Variants in POLG observed in about 807,000 individuals in gnomAD.
POLG encodes the protein DNA polymerase gamma, catalytic subunit.
A neutral mutation model predicts 155.4 loss-of-function variants in POLG; 110 were observed. The observed-to-expected ratio is 0.71, with a 90% CI of 0.61 to 0.83. The LOEUF (loss-of-function observed/expected upper bound fraction) is 0.83. Among genes scored for constraint, POLG ranks in the 40% least tolerant of loss-of-function variants. POLG has a pLI of 0.00. For missense variants in POLG, 1,685 were observed against 1,627.5 expected (o/e 1.04, Z -0.61); for synonymous variants, 701 against 631.5 (o/e 1.11, Z -1.65).
intron 4 of POLG, 34 bp downstream of exon 4, chr15:89,328,909 A>G (rs750556064): frequency 6.2e-7 from 1 of 1,614,044 alleles, no homozygotes. Context: ...GGTCCCAAGC[A>G]CTATGCTCCT....
Position 89,328,753 on chromosome 15 carries a change from G to C in POLG, c.1102C>G (p.Pro368Ala). 2 of 1,614,108 alleles carry C rather than the reference G, an allele frequency of 1.2e-6. No homozygotes were observed. Among genetic ancestry groups the C allele is most frequent in the East Asian group, 2.2e-5 (1 of 44,878 alleles). The part of the protein sequence containing the change: ...EVHRLYVGGP[P>A]LEKEPRELFV... ...AGTTCTCGAGGCTCCTTCTCTAAGG[G>C]AGGCCCCCCTACATAAAGTCTGTGC... is the stretch of plus-strand genomic sequence containing the variant. Residue 368 changes from proline to alanine, a missense_variant, in exon 5 of 23, where the codon CCC becomes GCC. Physicochemically the swap from Pro to Ala is conservative, Grantham distance 27. Around this residue, in one of 3 missense-constraint regions of POLG, gnomAD observed 1,210 missense variants for 1,167.1 expected, o/e 1.04. Transcript: ENST00000268124.
intron 16 of POLG, 48 bp from the exon 17 acceptor site, chr15:89,321,308 C>T (rs1417135993): frequency 6.2e-7 from 1 of 1,606,942 alleles, no homozygotes; most frequent in South Asian, 1.1e-5. Flanking sequence ...TACCCCATTC[C>T]TGGAGCCAGA....
At position 89,333,477 on chromosome 15, in the gene POLG, TC is replaced by T; in HGVS notation, c.277del (p.Glu93ArgfsTer173). The T allele has an allele frequency of 1.2e-6, 2 of 1,612,324 alleles. No individual in the cohort carries two copies. Among genetic ancestry groups the T allele is most frequent in the Non-Finnish European group, 8.5e-7 (1 of 1,179,680 alleles). On this transcript the variant is annotated frameshift_variant, in exon 2 of 23. Coordinates refer to ENST00000268124, the MANE Select transcript of POLG (RefSeq NM_002693.3). LOFTEE classifies it high-confidence loss of function. ...LHEQIFGQGG[E>X]MPGEAAVRRS... ...GCGCACCGCGGCCTCGCCAGGCATC[TC>T]CCCTCCTTGCCCGAAGATTTGCTCG...
rs867782024 is a variant in POLG, at chr15:89,325,199, T to A, written c.1949+251A>T. On this transcript the variant is annotated intron_variant, in intron 10 of 22. Coordinates refer to ENST00000268124, the MANE Select transcript of POLG (RefSeq NM_002693.3). Reference sequence around the variant, plus strand: ...GTGAGAGAGTGAGTGAGTGAGAGAGTGAGTGAGAGAGTGAGTGAGTGAGAG... The same window carrying A: ...GTGAGAGAGTGAGTGAGTGAGAGAGAGAGTGAGAGAGTGAGTGAGTGAGAG... Among the ~76,000 whole-genome samples the A allele has an allele frequency of 8.9e-4, 41 of 45,842 alleles. 4 individuals are homozygous for A. Among genetic ancestry groups the A allele is most frequent in the African/African-American group, 3.0e-3 (27 of 8,896 alleles). The allele number at this position is 45,842 out of a possible 152,430, so 30.1% of individuals were successfully genotyped here. A position where few individuals can be genotyped will look rare whatever the true frequency, so the allele number is the denominator to read the frequency against.
In POLG at chr15:89,327,308, C is replaced by A. The variant is rs2055535765; in HGVS notation, c.1292G>T (p.Gly431Val). 1 of 1,614,068 alleles carries A rather than the reference C, an allele frequency of 6.2e-7. No homozygotes were observed. The highest frequency in any genetic ancestry group is 8.5e-7 in the Non-Finnish European group (1 of 1,180,026). ...PVTLAGMLEM[G>V]VSYLPVNQNW... The stretch of plus-strand genomic sequence containing the variant: ...CTGGTTGACAGGCAGGTAGGAGACA[C>A]CCATCTCCAGCATGCCGGCCAGAGT... The change falls in exon 7 of 23, where the codon GGT (glycine) becomes GTT (valine). Residue 431 changes from glycine (G) to valine (V), a missense_variant. Physicochemically the swap from Gly to Val is moderately radical, Grantham distance 109. This residue lies in a region of POLG where 1,210 missense variants were observed against 1,167.1 expected (regional missense o/e 1.04). Coordinates refer to ENST00000268124, the MANE Select transcript of POLG (RefSeq NM_002693.3).
rs1243830926 is a variant in POLG at position 89,330,120 on chromosome 15, G to A, written c.816C>T (p.Ser272=). 1 of 1,614,000 alleles carries A rather than the reference G, an allele frequency of 6.2e-7. No homozygotes were observed. The highest frequency in any genetic ancestry group is 8.5e-7 in the Non-Finnish European group (1 of 1,180,044). ...GCTCCCTGATATGAGCTCGGTCAAAGGAAACATTGTGCCCCACCACTAACT... is the reference window on the plus strand; with the variant it reads ...GCTCCCTGATATGAGCTCGGTCAAAAGAAACATTGTGCCCCACCACTAACT... The part of the protein sequence containing the change: ...QEQLVVGHNV[S]FDRAHIREQY... Residue 272 remains serine (S), a synonymous_variant, in exon 3 of 23, where the codon TCC becomes TCT. Coordinates refer to ENST00000268124, the MANE Select transcript of POLG (RefSeq NM_002693.3).
chr15:89,328,368 A>T (rs2055550082), intron 6 of POLG, 88 bp downstream of exon 6: 2 of 1,018,326 alleles, frequency 2.0e-6, no homozygotes, highest in Admixed American at 1.9e-5. Context: ...CCCCAACCTG[A>T]GATAGAACCA....
intron 2 of POLG, among the ~76,000 whole-genome samples, chr15:89,331,791 A>C (rs1478989497): frequency 6.7e-6 from 1 of 148,710 alleles, no homozygotes; most frequent in Non-Finnish European, 1.5e-5. Flanking sequence ...CCCACCAGTC[A>C]GACTCCCAGG....
Position 89,330,226 on chromosome 15 carries a change from C to A in POLG, c.710G>T (p.Ser237Ile), listed in dbSNP as rs1275576932. 1 of 1,613,368 alleles carries A rather than the reference C, an allele frequency of 6.2e-7. No homozygotes were observed. The change falls in exon 3 of 23, where the codon AGC becomes ATC. Residue 237 changes from serine (S) to isoleucine (I), a missense_variant. By Grantham distance (142) the Ser-to-Ile change is moderately radical (BLOSUM62 -2). Transcript: ENST00000268124. Reference sequence around the variant, plus strand: ...GATGAGGTCAGCCGGCGACAGCTGGCTGGTCCAAGAGTAACGCTCTTCCAC... The same window carrying A: ...GATGAGGTCAGCCGGCGACAGCTGGATGGTCCAAGAGTAACGCTCTTCCAC... The part of the protein sequence containing the change: ...RLVEERYSWT[S>I]QLSPADLIPL...
chr15:89,325,191 TGAGAGAGTGAGTGAGA>T (rs1567189768), intron 10 of POLG, among the ~76,000 whole-genome samples: 5 of 55,212 alleles, frequency 9.1e-5, no homozygotes, highest in African/African-American at 5.2e-4. Context: ...AGTGAGTGAG[TGAGAGAGTGAGTGAGA>T]GAGTGAGTGA....
Position 89,316,589 on chromosome 15 carries a change from C to A in POLG, c.*162G>T. ...GTTCTGAACCCACTGAATTCAACTG[C>A]ACCTTCAGTTAGAAGGAATCTTCTT... On this transcript the variant is annotated 3_prime_UTR_variant, in exon 23 of 23. Transcript: ENST00000268124. 9.0e-7 allele frequency: 1 copy of A among 1,111,330 alleles called. No homozygotes were observed. The highest frequency in any genetic ancestry group is 1.3e-6 in the Non-Finnish European group (1 of 742,270). 68.8% of individuals were successfully genotyped at this position (1,111,330 alleles called of 1,614,324 possible). A position where few individuals can be genotyped will look rare whatever the true frequency, so the allele number is the denominator to read the frequency against.
At chr15:89,322,459 C>T (rs2055410171) in intron 14 of POLG, among the ~76,000 whole-genome samples, 1 of 152,266 alleles carries the variant, frequency 6.6e-6, no homozygotes, top group Non-Finnish European at 1.5e-5. Context: ...ACCAGCTCTC[C>T]ATGGTCCTCA....
chr15:89,319,460 A>G (rs977457873), intron 18 of POLG, 110 bp from the exon 19 acceptor site: 1 of 1,426,682 alleles, frequency 7.0e-7, no homozygotes, highest in African/African-American at 1.4e-5. Flanking sequence ...CACTGACATC[A>G]TGCCAGTCCC....
rs1026761464 is a variant in POLG, at chr15:89,326,500, C to T, written c.1712+112G>A. The stretch of plus-strand genomic sequence containing the variant: ...ACAGTGTGACTGAATGGCAGCAGGT[C>T]AATAAGTATACATGTGCATGATGCC... On this transcript the variant is annotated intron_variant, in intron 9 of 22. Transcript: ENST00000268124. 18 of 1,199,006 alleles carry T rather than the reference C, an allele frequency of 1.5e-5. No individual in the cohort carries two copies. The Admixed American group carries it at 3.3e-4, about 22-fold the overall frequency. The allele number at this position is 1,199,006 out of a possible 1,614,324, so 74.3% of individuals were successfully genotyped here.
intron 8 of POLG, 31 bp from the exon 9 acceptor site, chr15:89,326,769 A>G: frequency 3.7e-6 from 6 of 1,613,974 alleles, no homozygotes; most frequent in Non-Finnish European, 5.1e-6. Context: ...AATCAGGAGC[A>G]GGAGAAGGAA....
rs1567188446 is a variant in POLG, at chr15:89,323,839, T to C, written c.2133A>G (p.Ala711=). Residue 711 remains alanine, a synonymous_variant, in exon 12 of 23, where the codon GCA becomes GCG. Transcript: ENST00000268124. The stretch of plus-strand genomic sequence containing the variant: ...CCAGAGCTAGGGGTTGACCTGGCAC[T>C]GCAGCTCGCAAGTTCTCCATCTTGG... ...AEAKMENLRA[A]VPGQPLALTA... 1.2e-6 allele frequency: 2 copies of C among 1,614,060 alleles called. No individual in the cohort carries two copies.
chr15:89,329,906 C>T (rs2055572064), intron 3 of POLG, among the ~76,000 whole-genome samples, 175 bp downstream of exon 3: 1 of 152,192 alleles, frequency 6.6e-6, no homozygotes, highest in African/African-American at 2.4e-5. Context: ...TTCCCGGGGA[C>T]ATACAACAGC....
rs369731644 is a variant in POLG at position 89,330,287 on chromosome 15, T to C, written c.660-11A>G. ...CTGCACCAGGAATACCTGAGGGAGG[T>C]GAGAGGCAGGCAGGTTCACCATGGA... On this transcript the variant is annotated splice_polypyrimidine_tract_variant and intron_variant, in intron 2 of 22. Coordinates refer to ENST00000268124, the MANE Select transcript of POLG (RefSeq NM_002693.3). 10 of 1,605,716 alleles carry C rather than the reference T, an allele frequency of 6.2e-6. No homozygotes were observed. The Admixed American group carries it at 8.3e-5, about 13-fold the overall frequency.
chr15:89,329,128 A>G lies in POLG; in HGVS notation c.856-18T>C. On this transcript the variant is annotated intron_variant, in intron 3 of 22. Transcript: ENST00000268124. ...CGGGAACCCTGAGGAGGAGGAGGAGAAAAGGGAAGGGAAGGAGGGAGGCTG... is the reference window on the plus strand; with the variant it reads ...CGGGAACCCTGAGGAGGAGGAGGAGGAAAGGGAAGGGAAGGAGGGAGGCTG... 1 of 1,605,348 alleles carries G rather than the reference A, an allele frequency of 6.2e-7. No homozygotes were observed. Among genetic ancestry groups the G allele is most frequent in the Non-Finnish European group, 8.5e-7 (1 of 1,177,660 alleles).
Sources: allele counts gnomAD v4.1 joint callset (sites outside exome capture counted in the v4.1 genomes callset), GRCh38; gene constraint gnomAD v4.1.1; regional missense constraint gnomAD v4.1.1; transcripts MANE v1.5; gene names NCBI Gene and HGNC (gene_info 2026-07-23, HGNC 2026-07-21).